COG5: variants seen among roughly 807,000 people sequenced by gnomAD.
COG5 encodes the protein conserved oligomeric Golgi complex subunit 5.
COG5 carries 86 observed loss-of-function variants against 110.4 expected under a neutral mutation model. The observed-to-expected ratio is 0.78, with a 90% CI of 0.65 to 0.93. The LOEUF is 0.93. COG5 is among the 40% of genes least tolerant of loss of function. COG5 has a pLI of 0.00. For synonymous variants in COG5, 360 were observed against 334.6 expected (o/e 1.08, Z -0.83); for missense variants, 1,077 against 987.0 (o/e 1.09, Z -1.22).
At position 107,284,983 on chromosome 7, in the gene COG5, G is replaced by T. The variant is rs530338534; in HGVS notation, c.1314-1251C>A. On this transcript the variant is annotated intron_variant, in intron 12 of 21. Coordinates refer to ENST00000297135, the MANE Select transcript of COG5 (RefSeq NM_006348.5). ...GCTTTCTCTTTTTCTCACCCTTCTG[G>T]TCCACTGATATGACCTAGAGATCAG... Among the ~76,000 whole-genome samples the T allele has an allele frequency of 2.6e-5, 4 of 152,026 alleles. No homozygotes were observed. The South Asian group carries it at 8.3e-4, about 32-fold the overall frequency.
intron 12 of COG5, among the ~76,000 whole-genome samples, chr7:107,284,776 A>T (rs1405266536): frequency 6.6e-6 from 1 of 152,204 alleles, no homozygotes; most frequent in African/African-American, 2.4e-5. Context: ...TCAAATGTCT[A>T]TAACCATTAT....
intron 6 of COG5, among the ~76,000 whole-genome samples, chr7:107,500,156 T>C (rs1156999794): frequency 1.3e-5 from 2 of 152,182 alleles, no homozygotes; most frequent in African/African-American, 4.8e-5. Flanking sequence ...CCACGTGCCA[T>C]GGAAACCAAT....
At chr7:107,490,269 A>G (rs1403019716) in intron 6 of COG5, among the ~76,000 whole-genome samples, 1 of 151,992 alleles carries the variant, frequency 6.6e-6, no homozygotes. Flanking sequence ...AGCTCAAGAG[A>G]GCCTCCCACC....
intron 16 of COG5, chr7:107,253,219 T>C (rs1423657552): frequency 2.0e-5 from 3 of 152,008 alleles, no homozygotes; most frequent in South Asian, 2.1e-4. Flanking sequence ...AAATATGAAA[T>C]AGGAAGAGAA....
chr7:107,396,306 C>A (rs1584770478), intron 7 of COG5, among the ~76,000 whole-genome samples: 1 of 152,070 alleles, frequency 6.6e-6, no homozygotes, highest in African/African-American at 2.4e-5. Context: ...TAACATGCAA[C>A]CCATTAATGC....
chr7:107,466,837 G>A (rs1318841421), intron 6 of COG5, among the ~76,000 whole-genome samples: 3 of 152,162 alleles, frequency 2.0e-5, no homozygotes, highest in African/African-American at 7.2e-5. Flanking sequence ...CTGATTTTCA[G>A]CAATTAAAAA....
At chr7:107,478,692 T>C (rs1797133063) in intron 6 of COG5, among the ~76,000 whole-genome samples, 1 of 152,018 alleles carries the variant, frequency 6.6e-6, no homozygotes, top group Admixed American at 6.6e-5. Flanking sequence ...GGTTCAATAC[T>C]ATCCATAGTT....
At chr7:107,452,579 G>A (rs752154311) in intron 6 of COG5, among the ~76,000 whole-genome samples, 14 of 152,082 alleles carry the variant, frequency 9.2e-5, no homozygotes, top group Admixed American at 4.6e-4. Flanking sequence ...TTTTAAAAAC[G>A]GGAGTTTCCT....
At chr7:107,526,935 G>A (rs925053254) in intron 6 of COG5, among the ~76,000 whole-genome samples, 1 of 152,046 alleles carries the variant, frequency 6.6e-6, no homozygotes, top group African/African-American at 2.4e-5. Context: ...GAGGAGTGAT[G>A]GAATTGTTCT....
chr7:107,362,475 A>G, intron 8 of COG5, 55 bp from the exon 9 acceptor site: 1 of 1,018,688 alleles, frequency 9.8e-7, no homozygotes, highest in Non-Finnish European at 1.5e-6. Context: ...AGGCAAATAT[A>G]TATATATATG....
intron 6 of COG5, among the ~76,000 whole-genome samples, chr7:107,454,654 T>A (rs1337276962): frequency 6.6e-6 from 1 of 152,146 alleles, no homozygotes; most frequent in Admixed American, 6.6e-5. Context: ...GAGATTCTTT[T>A]GTATTTTTTC....
chr7:107,485,517 T>C (rs1797607429), intron 6 of COG5, among the ~76,000 whole-genome samples: 1 of 152,206 alleles, frequency 6.6e-6, no homozygotes, highest in Admixed American at 6.6e-5. Flanking sequence ...TGTAACTAGC[T>C]TCTCAAACTA....
At chr7:107,235,440 C>T (rs989543341) in intron 18 of COG5, among the ~76,000 whole-genome samples, 2 of 152,210 alleles carry the variant, frequency 1.3e-5, no homozygotes, top group African/African-American at 2.4e-5. Flanking sequence ...TGTGGTGGCT[C>T]ACGCCTGTAA....
chr7:107,415,546 C>G lies in COG5; in HGVS notation c.539-2914G>C, dbSNP rs555003656. 1.1e-4 allele frequency among the ~76,000 whole-genome samples: 16 copies of G among 151,076 alleles called. No individual in the cohort carries two copies. In the South Asian group the frequency reaches 2.5e-3, roughly 24 times the overall value. On this transcript the variant is annotated intron_variant, in intron 6 of 21. Coordinates refer to ENST00000297135, the MANE Select transcript of COG5 (RefSeq NM_006348.5). Reference sequence around the variant, plus strand: ...CAAAAATTAAAATAAGGTGGCTAGTCTACTAGAAAAAAAAATCACATCCTC... The same window carrying G: ...CAAAAATTAAAATAAGGTGGCTAGTGTACTAGAAAAAAAAATCACATCCTC...
chr7:107,362,208 T>G, intron 9 of COG5, 98 bp from the exon 10 acceptor site: 2 of 1,330,502 alleles, frequency 1.5e-6, no homozygotes, highest in Non-Finnish European at 2.1e-6. Context: ...GGAGGTATTT[T>G]GAATGCTCAT....
At chr7:107,515,962 T>C (rs1222871622) in intron 6 of COG5, among the ~76,000 whole-genome samples, 1 of 152,220 alleles carries the variant, frequency 6.6e-6, no homozygotes, top group Non-Finnish European at 1.5e-5. Context: ...GTACATTACC[T>C]TACTCATGCT....
rs183301096 is a variant in COG5, at chr7:107,296,227, A to G, written c.1313+1915T>C. On this transcript the variant is annotated intron_variant, in intron 12 of 21. Transcript: ENST00000297135. ...TTTCTTTCTTTCACACAAGGAACAT[A>G]TATTCATTTTACATAAAAGCAGAAA... Among the ~76,000 whole-genome samples, 306 of 148,914 alleles carry G rather than the reference A, an allele frequency of 2.1e-3. 1 individual carries two copies. The highest frequency in any genetic ancestry group is 7.3e-3 in the African/African-American group (294 of 40,174).
intron 5 of COG5, among the ~76,000 whole-genome samples, chr7:107,533,113 T>G (rs2129162023): frequency 6.6e-6 from 1 of 150,490 alleles, no homozygotes; most frequent in Admixed American, 6.6e-5. Context: ...ACTAATAAAC[T>G]GAAAGCAATA....
intron 19 of COG5, among the ~76,000 whole-genome samples, chr7:107,227,777 C>T (rs779162451): frequency 2.0e-5 from 3 of 152,042 alleles, no homozygotes; most frequent in Non-Finnish European, 4.4e-5. Flanking sequence ...GGCACAATCT[C>T]GACTCACTGT....
Sources: gnomAD v4.1 joint callset for allele counts (sites outside exome capture counted in the v4.1 genomes callset) on GRCh38, gnomAD v4.1.1 for gene constraint, MANE v1.5 for transcripts, NCBI Gene and HGNC (gene_info 2026-07-23, HGNC 2026-07-21) for gene names.